The following TBC1D22A variants were observed in gnomAD, a reference collection of about 807,000 sequenced individuals.
TBC1D22A encodes the protein putative GTPase activator.
TBC1D22A carries 38 observed loss-of-function variants against 60.2 expected under a neutral mutation model. That is an observed-to-expected ratio of 0.63 (90% CI 0.49 to 0.83). TBC1D22A has a LOEUF of 0.83. TBC1D22A is among the 40% of genes least tolerant of loss of function. TBC1D22A has a pLI of 0.00. For missense variants in TBC1D22A, 628 were observed against 701.0 expected (o/e 0.90, Z 1.18); for synonymous variants, 302 against 281.7 (o/e 1.07, Z -0.72).
At chr22:46,959,262 G>T (rs912088720) in intron 8 of TBC1D22A, among the ~76,000 whole-genome samples, 1 of 152,212 alleles carries the variant, frequency 6.6e-6, no homozygotes, top group Non-Finnish European at 1.5e-5. Flanking sequence ...TATGGGGCTG[G>T]TGTGAGGGTG....
chr22:47,038,731 G>C (rs1293914401), intron 11 of TBC1D22A, among the ~76,000 whole-genome samples: 1 of 152,212 alleles, frequency 6.6e-6, no homozygotes. Context: ...TGCGCCGCTT[G>C]TCTGGTCTAA....
At chr22:46,983,740 A>G (rs1602801802) in intron 9 of TBC1D22A, among the ~76,000 whole-genome samples, 1 of 148,134 alleles carries the variant, frequency 6.8e-6, no homozygotes, top group East Asian at 2.0e-4. Context: ...CAAGTGCACT[A>G]TGAAGGTTCC....
At chr22:46,790,437 G>A (rs1398948973) in intron 1 of TBC1D22A, among the ~76,000 whole-genome samples, 1 of 152,232 alleles carries the variant, frequency 6.6e-6, no homozygotes, top group Non-Finnish European at 1.5e-5. Context: ...CATGTAAGGT[G>A]ACGTAGTCAC....
At chr22:46,963,004 G>A (rs2073593982) in intron 8 of TBC1D22A, among the ~76,000 whole-genome samples, 2 of 151,600 alleles carry the variant, frequency 1.3e-5, no homozygotes, top group Non-Finnish European at 2.9e-5. Context: ...ACAAGGTCAG[G>A]AGATCGAGAC....
At chr22:47,016,634 A>G (rs2061918449) in intron 10 of TBC1D22A, among the ~76,000 whole-genome samples, 1 of 152,118 alleles carries the variant, frequency 6.6e-6, no homozygotes, top group Admixed American at 6.5e-5. Flanking sequence ...TCTTCCACTT[A>G]GGATCCAGGA....
intron 7 of TBC1D22A, 126 bp from the exon 8 acceptor site, chr22:46,911,948 T>C: frequency 1.5e-6 from 1 of 652,696 alleles, no homozygotes. Context: ...TATTTGTTTA[T>C]ATTTGTATCT....
In TBC1D22A at chr22:47,028,588, A is replaced by G. The variant is rs1332307679; in HGVS notation, c.1202-8483A>G. On this transcript the variant is annotated intron_variant, in intron 10 of 12. Transcript: ENST00000337137. This position sits in a 1 kb window ranked among gnomAD's most constrained non-coding sequence, Gnocchi z 4.4. Reference sequence around the variant, plus strand: ...GGTCCCTGTCCCCCACGGCCCAGGAATGAATCTGGTATGACCTCTTCTGTC... The same window carrying G: ...GGTCCCTGTCCCCCACGGCCCAGGAGTGAATCTGGTATGACCTCTTCTGTC... 1.3e-5 allele frequency among the ~76,000 whole-genome samples: 2 copies of G among 151,972 alleles called. No homozygotes were observed. Among genetic ancestry groups the G allele is most frequent in the Non-Finnish European group, 2.9e-5 (2 of 68,020 alleles).
intron 8 of TBC1D22A, among the ~76,000 whole-genome samples, chr22:46,967,946 G>T (rs953817042): frequency 1.3e-5 from 2 of 152,114 alleles, no homozygotes; most frequent in Non-Finnish European, 2.9e-5. Flanking sequence ...GCACCCCCTG[G>T]TAATTACAAG....
intron 4 of TBC1D22A, among the ~76,000 whole-genome samples, chr22:46,801,879 G>A (rs1414276345): frequency 6.6e-6 from 1 of 152,224 alleles, no homozygotes; most frequent in Non-Finnish European, 1.5e-5. Context: ...GGTGTTTTGG[G>A]GGTTGGGAGG....
At chr22:47,119,454 T>C (rs2066191149) in intron 12 of TBC1D22A, among the ~76,000 whole-genome samples, 1 of 152,154 alleles carries the variant, frequency 6.6e-6, no homozygotes, top group Admixed American at 6.5e-5. Flanking sequence ...ATGGAGTGTC[T>C]TAGTCCATTC....
intron 4 of TBC1D22A, among the ~76,000 whole-genome samples, chr22:46,829,901 G>GA (rs775425520): frequency 6.6e-6 from 1 of 152,138 alleles, no homozygotes; most frequent in Non-Finnish European, 1.5e-5. Flanking sequence ...AGGTCGTAAA[G>GA]AAAAAAATCC....
At position 46,942,013 on chromosome 22, in the gene TBC1D22A, A is replaced by ATATATATATATAT. The variant is rs1382030108; in HGVS notation, c.1015+29839_1015+29851dup. ...GGGCCTGGGGCACCAGCATACATATATATATATATATATTATATATATATA... is the reference window on the plus strand; with the variant it reads ...GGGCCTGGGGCACCAGCATACATATATATATATATATATTATATATATATATTATATATATATA... On this transcript the variant is annotated intron_variant, in intron 8 of 12. Coordinates refer to ENST00000337137, the MANE Select transcript of TBC1D22A (RefSeq NM_014346.5). Among the ~76,000 whole-genome samples, 5 of 136,330 alleles carry ATATATATATATAT rather than the reference A, an allele frequency of 3.7e-5. No individual in the cohort carries two copies. In the South Asian group the frequency reaches 1.1e-3, roughly 31 times the overall value. 89.4% of individuals were successfully genotyped at this position (136,330 alleles called of 152,430 possible).
chr22:46,930,646 G>A (rs1704490019), intron 8 of TBC1D22A, among the ~76,000 whole-genome samples: 5 of 144,922 alleles, frequency 3.5e-5, no homozygotes, highest in Admixed American at 2.8e-4. Flanking sequence ...TGTATTTTTA[G>A]TAGAGATGGG....
chr22:46,912,510 A>G (rs373905062), intron 8 of TBC1D22A, among the ~76,000 whole-genome samples: 51 of 149,692 alleles, frequency 3.4e-4, no homozygotes, highest in African/African-American at 1.0e-3. Flanking sequence ...CAGTCATTCA[A>G]TCGATCAGTC....
In TBC1D22A at chr22:46,877,347, C is replaced by T. The variant is rs180821855; in HGVS notation, c.638-1306C>T. 1.3e-4 allele frequency among the ~76,000 whole-genome samples: 20 copies of T among 152,300 alleles called. No homozygotes were observed. The East Asian group carries it at 3.9e-3, about 29-fold the overall frequency. On this transcript the variant is annotated intron_variant, in intron 4 of 12. Coordinates refer to ENST00000337137, the MANE Select transcript of TBC1D22A (RefSeq NM_014346.5). Reference sequence around the variant, plus strand: ...ATTTTTGAATTTTTGTGAATTTCTTCCAGTGAGGAGAGAGGTTCAGAGAAC... The same window carrying T: ...ATTTTTGAATTTTTGTGAATTTCTTTCAGTGAGGAGAGAGGTTCAGAGAAC...
At chr22:46,854,829 T>C (rs2087486013) in intron 4 of TBC1D22A, among the ~76,000 whole-genome samples, 1 of 152,246 alleles carries the variant, frequency 6.6e-6, no homozygotes, top group Non-Finnish European at 1.5e-5. Flanking sequence ...ATCGGACTCC[T>C]AATTACGTGT....
At chr22:46,916,734 G>T (rs73478597) in intron 8 of TBC1D22A, among the ~76,000 whole-genome samples, 14,745 of 152,242 alleles carry the variant, frequency 0.097, 1,444 homozygotes, top group African/African-American at 0.25. Context: ...AAGCGATCTT[G>T]CGTGACCTCA....
intron 10 of TBC1D22A, among the ~76,000 whole-genome samples, chr22:47,001,227 A>G (rs1190402801): frequency 6.6e-6 from 1 of 152,074 alleles, no homozygotes; most frequent in Non-Finnish European, 1.5e-5. Context: ...GTTCCCCAGA[A>G]TGCTAGTGAG....
intron 3 of TBC1D22A, among the ~76,000 whole-genome samples, chr22:46,797,032 C>A (rs1474901662): frequency 2.0e-5 from 3 of 152,194 alleles, no homozygotes; most frequent in Non-Finnish European, 4.4e-5. Flanking sequence ...TCCTTTCCCT[C>A]ATGGTAACTC....
Sources: allele counts gnomAD v4.1 joint callset (sites outside exome capture counted in the v4.1 genomes callset), GRCh38; gene constraint gnomAD v4.1.1; non-coding constraint Gnocchi (gnomAD v3.1); transcripts MANE v1.5; gene names NCBI Gene and HGNC (gene_info 2026-07-23, HGNC 2026-07-21).